The following LSAMP variants were observed in gnomAD, a reference collection of about 807,000 sequenced individuals.
The protein encoded by LSAMP is limbic system associated membrane protein.
LSAMP carries 7 observed loss-of-function variants against 38.6 expected under a neutral mutation model. That is an observed-to-expected ratio of 0.18 (90% CI 0.10 to 0.34). The LOEUF (loss-of-function observed/expected upper bound fraction) is 0.34, where lower values mean the gene tolerates loss of function less well. Among genes scored for constraint, LSAMP ranks in the 10% least tolerant of loss-of-function variants. LSAMP has a pLI of 1.00. For synonymous variants in LSAMP, 154 were observed against 166.8 expected (o/e 0.92, Z 0.59); for missense variants, 313 against 420.0 (o/e 0.75, Z 2.23).
chr3:115,961,720 T>G (rs552745332), intron 3 of LSAMP, among the ~76,000 whole-genome samples: 15 of 152,300 alleles, frequency 9.8e-5, no homozygotes, highest in African/African-American at 2.9e-4. Context: ...TTTCACAGAT[T>G]GCTTAAAGAC....
chr3:116,150,305 G>A (rs1187901177), intron 1 of LSAMP, among the ~76,000 whole-genome samples: 1 of 151,962 alleles, frequency 6.6e-6, no homozygotes, highest in Admixed American at 6.6e-5. Flanking sequence ...CATGCAAATA[G>A]TTCTTTATTC....
At chr3:115,979,916 A>T (rs892910352) in intron 3 of LSAMP, among the ~76,000 whole-genome samples, 5 of 152,142 alleles carry the variant, frequency 3.3e-5, no homozygotes, top group Non-Finnish European at 7.4e-5. Context: ...AGTGAGGCTT[A>T]TAATTTTTCT....
intron 2 of LSAMP, among the ~76,000 whole-genome samples, chr3:116,057,660 G>T: frequency 6.6e-6 from 1 of 152,042 alleles, no homozygotes; most frequent in Non-Finnish European, 1.5e-5. Flanking sequence ...ATCTAGTCTG[G>T]AATTTCCAGG....
At chr3:116,159,683 C>A (rs1383568359) in intron 1 of LSAMP, among the ~76,000 whole-genome samples, 1 of 152,104 alleles carries the variant, frequency 6.6e-6, no homozygotes, top group East Asian at 1.9e-4. Context: ...TTGTGGAAAG[C>A]AGTTTGGTGA....
intron 1 of LSAMP, among the ~76,000 whole-genome samples, chr3:116,285,732 C>CA (rs1157116949): frequency 2.0e-5 from 3 of 152,170 alleles, no homozygotes; most frequent in African/African-American, 7.2e-5. Flanking sequence ...AGGTGCATAG[C>CA]AAGTGCTCAT....
intron 3 of LSAMP, among the ~76,000 whole-genome samples, chr3:115,884,559 CT>C (rs1936403115): frequency 6.8e-6 from 1 of 148,116 alleles, no homozygotes; most frequent in Non-Finnish European, 1.5e-5. Context: ...GGTGATCTCT[CT>C]AGTGAGTCTA....
At chr3:116,373,678 C>T (rs1478196585) in intron 1 of LSAMP, among the ~76,000 whole-genome samples, 1 of 151,584 alleles carries the variant, frequency 6.6e-6, no homozygotes, top group Non-Finnish European at 1.5e-5. Flanking sequence ...AAAATGATGC[C>T]CTTGATATGT....
At chr3:116,348,261 C>T (rs967130559) in intron 1 of LSAMP, among the ~76,000 whole-genome samples, 48 of 151,866 alleles carry the variant, frequency 3.2e-4, no homozygotes, top group African/African-American at 9.4e-4. Flanking sequence ...CTTCATGCCT[C>T]GGTACAATGA....
At chr3:116,067,469 G>A (rs1370290395) in intron 2 of LSAMP, among the ~76,000 whole-genome samples, 2 of 152,128 alleles carry the variant, frequency 1.3e-5, no homozygotes, top group African/African-American at 2.4e-5. Flanking sequence ...AGCAGCCGAG[G>A]TATATAAATA....
chr3:116,248,560 C>T (rs548115772), intron 1 of LSAMP, among the ~76,000 whole-genome samples: 3 of 146,290 alleles, frequency 2.1e-5, no homozygotes, highest in Non-Finnish European at 3.0e-5. Flanking sequence ...CAGAGTAAAC[C>T]GTTTAGTTTA....
chr3:116,083,733 G>A (rs1368902405), intron 2 of LSAMP, among the ~76,000 whole-genome samples: 2 of 152,184 alleles, frequency 1.3e-5, no homozygotes, highest in Non-Finnish European at 2.9e-5. Flanking sequence ...GAAAAAGGGA[G>A]ATGTCAGCCA....
intron 3 of LSAMP, among the ~76,000 whole-genome samples, chr3:115,929,836 G>GGAGGCC (rs1937551733): frequency 6.6e-6 from 1 of 151,878 alleles, no homozygotes; most frequent in South Asian, 2.1e-4. Flanking sequence ...GCACCCTCTA[G>GGAGGCC]CTTCTTGGAG....
chr3:116,205,253 G>A (rs1200262031), intron 1 of LSAMP, among the ~76,000 whole-genome samples: 3 of 148,240 alleles, frequency 2.0e-5, no homozygotes, highest in Admixed American at 6.7e-5. Context: ...CGTTGATTTT[G>A]TATCCTGAGA....
chr3:115,958,903 C>A (rs7632246), intron 3 of LSAMP, among the ~76,000 whole-genome samples: 74,779 of 151,958 alleles, frequency 0.49, 19,377 homozygotes, highest in South Asian at 0.74. Flanking sequence ...AGCCGGTAGA[C>A]GTGGGGCCAG....
At chr3:116,417,767 A>C (rs1447765691) in intron 1 of LSAMP, among the ~76,000 whole-genome samples, 3 of 152,182 alleles carry the variant, frequency 2.0e-5, no homozygotes, top group African/African-American at 7.2e-5. Context: ...GATTATAATA[A>C]ATAAATGATG....
chr3:115,890,319 T>G (rs1413883815), intron 3 of LSAMP, among the ~76,000 whole-genome samples: 1 of 151,904 alleles, frequency 6.6e-6, no homozygotes. Flanking sequence ...CAGATAGTCA[T>G]ATAGTCATGT....
intron 6 of LSAMP, 169 bp downstream of exon 6, chr3:115,841,676 T>C (rs975114250): frequency 3.5e-6 from 2 of 563,432 alleles, no homozygotes; most frequent in African/African-American, 1.9e-5. Flanking sequence ...GTTCCATTTA[T>C]AAATCTCTGC....
intron 3 of LSAMP, among the ~76,000 whole-genome samples, chr3:115,864,579 G>A (rs548243357): frequency 2.6e-5 from 4 of 152,084 alleles, no homozygotes; most frequent in Non-Finnish European, 5.9e-5. Flanking sequence ...GTTCTGAGGT[G>A]GAGGTAGAAA....
At chr3:115,948,600 C>T (rs1576246517) in intron 3 of LSAMP, among the ~76,000 whole-genome samples, 1 of 152,102 alleles carries the variant, frequency 6.6e-6, no homozygotes, top group Non-Finnish European at 1.5e-5. Context: ...AGTGACACAA[C>T]TTATCAAATC....
Sources: allele counts gnomAD v4.1 joint callset (sites outside exome capture counted in the v4.1 genomes callset), GRCh38; gene constraint gnomAD v4.1.1; transcripts MANE v1.5; gene names NCBI Gene and HGNC (gene_info 2026-07-23, HGNC 2026-07-21).